Variants in SLC35F4 observed in about 807,000 individuals in gnomAD.
SLC35F4 encodes the protein chromosome 14 open reading frame 36.
SLC35F4 carries 24 observed loss-of-function variants against 44.2 expected under a neutral mutation model. The ratio of observed to expected loss-of-function variants is 0.54; its 90% CI spans 0.39 to 0.76. SLC35F4 has a LOEUF of 0.76. Among genes scored for constraint, SLC35F4 ranks in the 30% least tolerant of loss-of-function variants. SLC35F4 has a pLI of 0.00. For missense variants in SLC35F4, 562 were observed against 586.1 expected, an observed-to-expected ratio of 0.96 and a Z score of 0.42; for synonymous variants, 238 against 223.6, an observed-to-expected ratio of 1.06 and a Z score of -0.57.
At chr14:57,592,150 C>T (rs7156638) in intron 2 of SLC35F4, among the ~76,000 whole-genome samples, 2,022 of 152,316 alleles carry the variant, frequency 0.013, 44 homozygotes, top group African/African-American at 0.046. Flanking sequence ...AGGATTCTAT[C>T]CATTTCTGCG....
chr14:57,703,264 T>C (rs1723869731), intron 1 of SLC35F4, among the ~76,000 whole-genome samples: 1 of 152,168 alleles, frequency 6.6e-6, no homozygotes. Context: ...GAATGTCTGT[T>C]CCCTCCATCC....
intron 1 of SLC35F4, among the ~76,000 whole-genome samples, chr14:57,785,949 G>A (rs986516985): frequency 3.3e-5 from 5 of 152,152 alleles, no homozygotes; most frequent in African/African-American, 7.2e-5. Context: ...CAAATCCAGT[G>A]TGCAGACTCC....
intron 1 of SLC35F4, among the ~76,000 whole-genome samples, chr14:57,852,993 C>A (rs1886719735): frequency 6.6e-6 from 1 of 152,234 alleles, no homozygotes; most frequent in Non-Finnish European, 1.5e-5. Flanking sequence ...TAGCAAACCT[C>A]AGACTGCAGG....
chr14:57,609,038 C>T (rs2071336036), intron 1 of SLC35F4, among the ~76,000 whole-genome samples: 1 of 152,088 alleles, frequency 6.6e-6, no homozygotes, highest in African/African-American at 2.4e-5. Flanking sequence ...ATCAGGGAAA[C>T]ACTTTTCTAT....
chr14:57,844,773 G>A (rs1595195280), intron 1 of SLC35F4, among the ~76,000 whole-genome samples: 2 of 152,180 alleles, frequency 1.3e-5, no homozygotes, highest in Non-Finnish European at 2.9e-5. Flanking sequence ...AAGGAGTCAA[G>A]TTGGGATCAG....
At chr14:57,576,490 C>A (rs1033188567) in intron 4 of SLC35F4, among the ~76,000 whole-genome samples, 2 of 152,164 alleles carry the variant, frequency 1.3e-5, no homozygotes, top group Non-Finnish European at 2.9e-5. Context: ...ATGATTATCT[C>A]TCTGGGTAAA....
intron 1 of SLC35F4, among the ~76,000 whole-genome samples, chr14:57,809,756 G>A (rs1160197340): frequency 6.6e-6 from 1 of 152,154 alleles, no homozygotes; most frequent in Non-Finnish European, 1.5e-5. Context: ...GCCCCACACG[G>A]CTTGATTATT....
At chr14:57,728,827 C>T (rs985979199) in intron 1 of SLC35F4, among the ~76,000 whole-genome samples, 7 of 152,158 alleles carry the variant, frequency 4.6e-5, no homozygotes, top group Non-Finnish European at 8.8e-5. Context: ...CTCCCTTTAG[C>T]ATTTCTTTTA....
intron 1 of SLC35F4, among the ~76,000 whole-genome samples, chr14:57,622,661 G>A (rs564269024): frequency 6.6e-6 from 1 of 152,046 alleles, no homozygotes; most frequent in Non-Finnish European, 1.5e-5. Flanking sequence ...ACACTCTGGG[G>A]ACTGTTGTGG....
At chr14:57,611,587 A>AG (rs2071504988) in intron 1 of SLC35F4, among the ~76,000 whole-genome samples, 2 of 132,092 alleles carry the variant, frequency 1.5e-5, no homozygotes, top group Admixed American at 1.5e-4. Flanking sequence ...AGAAGAGTTA[A>AG]AAAAAAAAAA....
At chr14:57,842,297 G>A (rs67882621) in intron 1 of SLC35F4, among the ~76,000 whole-genome samples, 34,570 of 152,008 alleles carry the variant, frequency 0.23, 4,675 homozygotes, top group African/African-American at 0.38. Context: ...CCCATGGAAG[G>A]GCACTCTGAA....
At chr14:57,970,384 C>G (rs570908705) in intron 1 of SLC35F4, among the ~76,000 whole-genome samples, 26 of 152,284 alleles carry the variant, frequency 1.7e-4, no homozygotes, top group Admixed American at 1.4e-3. Flanking sequence ...CATGGAGTTG[C>G]CGTCAGAGAC....
intron 1 of SLC35F4, among the ~76,000 whole-genome samples, chr14:57,898,261 A>C (rs963754928): frequency 6.6e-6 from 1 of 152,262 alleles, no homozygotes; most frequent in African/African-American, 2.4e-5. Flanking sequence ...TCTGATTCAT[A>C]AGATTGTTAC....
At chr14:57,566,435 G>A in intron 7 of SLC35F4, 40 bp downstream of exon 7, 1 of 1,539,988 alleles carries the variant, frequency 6.5e-7, no homozygotes, top group Non-Finnish European at 8.8e-7. Flanking sequence ...CAAGAGACTT[G>A]TAGTGGCCAG....
chr14:57,598,461 C>T (rs987222474), intron 1 of SLC35F4, among the ~76,000 whole-genome samples: 2 of 152,116 alleles, frequency 1.3e-5, no homozygotes, highest in Non-Finnish European at 2.9e-5. Context: ...AGAACTACAG[C>T]CACTGAGTAA....
intron 1 of SLC35F4, among the ~76,000 whole-genome samples, chr14:57,797,253 A>C (rs2078074880): frequency 6.6e-6 from 1 of 152,148 alleles, no homozygotes; most frequent in African/African-American, 2.4e-5. Flanking sequence ...CCTGCTGGGC[A>C]ATTTGCGGGC....
intron 4 of SLC35F4, among the ~76,000 whole-genome samples, chr14:57,577,620 G>A (rs966808555): frequency 6.6e-6 from 1 of 151,688 alleles, no homozygotes; most frequent in Non-Finnish European, 1.5e-5. Context: ...CAACAGCAGA[G>A]AAGAAAGCTC....
At chr14:57,573,546 C>T (rs2068623876) in intron 4 of SLC35F4, among the ~76,000 whole-genome samples, 1 of 151,980 alleles carries the variant, frequency 6.6e-6, no homozygotes, top group Non-Finnish European at 1.5e-5. Context: ...GTAATAGACT[C>T]ATCAATAAAC....
intron 1 of SLC35F4, among the ~76,000 whole-genome samples, chr14:57,705,975 T>C (rs1294180280): frequency 6.6e-6 from 1 of 152,166 alleles, no homozygotes; most frequent in African/African-American, 2.4e-5. Context: ...CACTCAATCC[T>C]GTGTTTCCTC....
Sources: allele counts gnomAD v4.1 joint callset (sites outside exome capture counted in the v4.1 genomes callset), GRCh38; gene constraint gnomAD v4.1.1; transcripts MANE v1.5; gene names NCBI Gene and HGNC (gene_info 2026-07-23, HGNC 2026-07-21).